The following STON2 variants were observed in gnomAD, a reference collection of about 807,000 sequenced individuals.
The protein encoded by STON2 is stonin 2.
A neutral mutation model predicts 65.7 loss-of-function variants in STON2; 29 were observed. The ratio of observed to expected loss-of-function variants is 0.44; its 90% CI spans 0.33 to 0.60. The LOEUF (loss-of-function observed/expected upper bound fraction) is 0.60. Ranked by LOEUF, STON2 falls within the 20% of genes least tolerant of loss-of-function variation. The pLI is 0.03. For synonymous variants in STON2, 404 were observed against 414.2 expected (o/e 0.98, Z 0.30); for missense variants, 1,054 against 1,118.1 (o/e 0.94, Z 0.82).
chr14:81,381,829 C>T (rs902337105), intron 3 of STON2, among the ~76,000 whole-genome samples: 18 of 152,068 alleles, frequency 1.2e-4, no homozygotes, highest in African/African-American at 4.3e-4. Context: ...CTTTTTTATA[C>T]AAGAGAACCA....
intron 3 of STON2, among the ~76,000 whole-genome samples, chr14:81,393,902 T>C (rs188576093): frequency 9.7e-4 from 148 of 152,260 alleles, no homozygotes; most frequent in Non-Finnish European, 1.7e-3. Context: ...AGAAATCTGA[T>C]GTTTAGGCTG....
In STON2 at chr14:81,304,346, G is replaced by A. The variant is rs200032988; in HGVS notation, c.742+19671C>T. ...ATCCTTTCAACAACCCTGTGAGGTAGGTACTGCTCTTATCTCCCTCTTACA... is the reference window on the plus strand; with the variant it reads ...ATCCTTTCAACAACCCTGTGAGGTAAGTACTGCTCTTATCTCCCTCTTACA... On this transcript the variant is annotated intron_variant, in intron 5 of 7. Coordinates refer to ENST00000614646, the MANE Select transcript of STON2 (RefSeq NM_001394390.1). Among the ~76,000 whole-genome samples the A allele has an allele frequency of 2.0e-5, 3 of 152,144 alleles. No homozygotes were observed. In the East Asian group the frequency reaches 5.8e-4, roughly 29 times the overall value.
chr14:81,273,559 G>A (rs1405848266), intron 6 of STON2, among the ~76,000 whole-genome samples: 2 of 152,198 alleles, frequency 1.3e-5, no homozygotes, highest in Non-Finnish European at 2.9e-5. Context: ...AAACTCTTGG[G>A]ATGAAGGTAG....
intron 2 of STON2, among the ~76,000 whole-genome samples, chr14:81,423,034 CA>C (rs112442216): frequency 1.5e-3 from 209 of 135,832 alleles, no homozygotes; most frequent in Non-Finnish European, 1.6e-3. Context: ...GACTCTGTCT[CA>C]AAAAAAAAAA....
At chr14:81,288,403 G>C (rs1176429357) in intron 5 of STON2, among the ~76,000 whole-genome samples, 1 of 152,174 alleles carries the variant, frequency 6.6e-6, no homozygotes, top group Non-Finnish European at 1.5e-5. Flanking sequence ...ATACTCCGAG[G>C]CTGCATGGTA....
At chr14:81,272,441 C>G (rs1894638506) in intron 6 of STON2, among the ~76,000 whole-genome samples, 1 of 152,094 alleles carries the variant, frequency 6.6e-6, no homozygotes, top group Non-Finnish European at 1.5e-5. Flanking sequence ...TGAAACAGCC[C>G]CTTAGTTATC....
intron 1 of STON2, among the ~76,000 whole-genome samples, chr14:81,427,632 T>C (rs962465768): frequency 1.3e-5 from 2 of 151,830 alleles, no homozygotes; most frequent in African/African-American, 4.8e-5. Flanking sequence ...CTGAGAAACA[T>C]GCTGGATTTA....
At chr14:81,427,414 CCGGA>C (rs1902031849) in intron 1 of STON2, 1 of 152,210 alleles carries the variant, frequency 6.6e-6, no homozygotes, top group East Asian at 1.9e-4. Context: ...GTCACCCAGA[CCGGA>C]GTCTGATATG....
At chr14:81,330,430 GGT>G (rs1897168939) in intron 4 of STON2, among the ~76,000 whole-genome samples, 1 of 147,750 alleles carries the variant, frequency 6.8e-6, no homozygotes, top group African/African-American at 2.6e-5. Flanking sequence ...ATTTAGAGAT[GGT>G]GTCTTTTTTT....
At chr14:81,319,934 G>A (rs2146244) in intron 5 of STON2, among the ~76,000 whole-genome samples, 118,551 of 152,094 alleles carry the variant, frequency 0.78, 46,475 homozygotes, top group Non-Finnish European at 0.82. Context: ...AGGGAACTAC[G>A]TATCAGTTGG....
intron 5 of STON2, among the ~76,000 whole-genome samples, chr14:81,294,031 A>G (rs1390529226): frequency 1.3e-5 from 2 of 152,206 alleles, no homozygotes; most frequent in Non-Finnish European, 1.5e-5. Flanking sequence ...TGTCTTCAGA[A>G]TAAGTTATTT....
chr14:81,309,120 A>T (rs1896326304), intron 5 of STON2, among the ~76,000 whole-genome samples: 1 of 151,452 alleles, frequency 6.6e-6, no homozygotes, highest in Admixed American at 6.6e-5. Context: ...TTGACCCATG[A>T]GCCTCAGTAT....
At chr14:81,362,239 C>T (rs1165014244) in intron 4 of STON2, among the ~76,000 whole-genome samples, 1 of 152,090 alleles carries the variant, frequency 6.6e-6, no homozygotes, top group African/African-American at 2.4e-5. Context: ...ACCTAAGTGT[C>T]CATCAGTGGA....
intron 4 of STON2, among the ~76,000 whole-genome samples, chr14:81,343,899 C>G (rs921778529): frequency 6.6e-6 from 1 of 152,140 alleles, no homozygotes; most frequent in Non-Finnish European, 1.5e-5. Flanking sequence ...CCCAATATCA[C>G]AGAGCAGGGA....
rs144295775 is a variant in STON2 at position 81,421,781 on chromosome 14, T to C, written c.-199+5321A>G. Reference sequence around the variant, plus strand: ...CTTAGCATTAGGCCCAGTGATTTGATGGGCCCGTGGGACAACCACATTGAG... The same window carrying C: ...CTTAGCATTAGGCCCAGTGATTTGACGGGCCCGTGGGACAACCACATTGAG... On this transcript the variant is annotated intron_variant, in intron 2 of 8. Transcript: ENST00000553821. Among the ~76,000 whole-genome samples, 32 of 152,314 alleles carry C rather than the reference T, an allele frequency of 2.1e-4. No individual in the cohort carries two copies. The East Asian group carries it at 6.2e-3, about 29-fold the overall frequency.
intron 5 of STON2, among the ~76,000 whole-genome samples, chr14:81,318,439 C>A (rs1334919362): frequency 6.6e-6 from 1 of 152,276 alleles, no homozygotes; most frequent in Middle Eastern, 3.4e-3. Context: ...GGAAAAAATG[C>A]AACTCCCTCT....
At chr14:81,309,671 T>C (rs1469678169) in intron 5 of STON2, among the ~76,000 whole-genome samples, 1 of 152,182 alleles carries the variant, frequency 6.6e-6, no homozygotes, top group Non-Finnish European at 1.5e-5. Flanking sequence ...TGATCATGAT[T>C]ATGTATCTAA....
chr14:81,277,056 G>A lies in STON2; in HGVS notation c.2426C>T (p.Ser809Phe), dbSNP rs772529721. 6.2e-7 allele frequency: 1 copy of A among 1,614,194 alleles called. No individual in the cohort carries two copies. The highest frequency in any genetic ancestry group is 8.5e-7 in the Non-Finnish European group (1 of 1,180,044). ...CCCCCGGTTCACTTTGGCTTTCAAAGACTTTTCCCCCAGGACACTTTCCCT... is the reference window on the plus strand; with the variant it reads ...CCCCCGGTTCACTTTGGCTTTCAAAAACTTTTCCCCCAGGACACTTTCCCT... ...FRRESVLGEKSLKAKVNRGAS... is the reference protein window; with the variant it reads ...FRRESVLGEKFLKAKVNRGAS... The change falls in exon 6 of 8, where the codon TCT (serine) becomes TTT (phenylalanine). Residue 809 changes from serine (S) to phenylalanine (F), a missense_variant. Coordinates refer to ENST00000614646, the MANE Select transcript of STON2 (RefSeq NM_001394390.1).
chr14:81,276,864 G>A lies in STON2; in HGVS notation c.2581+37C>T, dbSNP rs75051154. On this transcript the variant is annotated intron_variant, in intron 6 of 7. Coordinates refer to ENST00000614646, the MANE Select transcript of STON2 (RefSeq NM_001394390.1). ...CTTTGATCTCAGCTTTTTCACAACT[G>A]TATGTTTGTTTTCACAGAAGAGGAA... 2.2e-3 allele frequency: 3,457 copies of A among 1,580,444 alleles called. 79 individuals carry two copies. The African/African-American group carries it at 0.042, about 19-fold the overall frequency.
Sources: allele counts gnomAD v4.1 joint callset (sites outside exome capture counted in the v4.1 genomes callset), GRCh38; gene constraint gnomAD v4.1.1; transcripts MANE v1.5; gene names NCBI Gene and HGNC (gene_info 2026-07-23, HGNC 2026-07-21).